ACACB: variants seen among roughly 807,000 people sequenced by gnomAD.
The protein encoded by ACACB is acetyl-CoA carboxylase 2.
Under a neutral mutation model 278.8 loss-of-function variants are expected in ACACB, and 209 were observed. The ratio of observed to expected loss-of-function variants is 0.75; its 90% CI spans 0.67 to 0.84. ACACB has a LOEUF of 0.84. Among genes scored for constraint, ACACB ranks in the 40% least tolerant of loss-of-function variants. The pLI is 0.00. For synonymous variants in ACACB, 1,174 were observed against 1,285.6 expected (o/e 0.91, Z 1.86); for missense variants, 2,850 against 3,269.0 (o/e 0.87, Z 3.13).
In ACACB at chr12:109,246,365, A is replaced by G. The variant is rs1363583791; in HGVS notation, c.5488A>G (p.Asn1830Asp). ...CATTCCCAAAATTTACGTGGCAGCCAACAGTGGCGCCCGTATTGGCATGGC... is the reference window on the plus strand; with the variant it reads ...CATTCCCAAAATTTACGTGGCAGCCGACAGTGGCGCCCGTATTGGCATGGC... ...EGIPKIYVAA[N>D]SGARIGMAEE... The change falls in exon 39 of 53, where the codon AAC (asparagine) becomes GAC (aspartate). Residue 1830 changes from asparagine (N) to aspartate (D), a missense_variant. Transcript: ENST00000338432. 1 of 1,613,470 alleles carries G rather than the reference A, an allele frequency of 6.2e-7. No homozygotes were observed. The highest frequency in any genetic ancestry group is 8.5e-7 in the Non-Finnish European group (1 of 1,179,918).
rs760891000 is a variant in ACACB at position 109,254,237 on chromosome 12, C to T, written c.6069C>T (p.Ile2023=). The T allele has an allele frequency of 6.8e-6, 11 of 1,613,946 alleles. No homozygotes were observed. Among genetic ancestry groups the T allele is most frequent in the Non-Finnish European group, 9.3e-6 (11 of 1,179,898 alleles). ...AGGATAATCACAGCCCTGTCCCTATCATCACACCCACTGACCCCATTGACA... is the reference window on the plus strand; with the variant it reads ...AGGATAATCACAGCCCTGTCCCTATTATCACACCCACTGACCCCATTGACA... ...MPKDNHSPVP[I]ITPTDPIDRE... The change falls in exon 44 of 53, where the codon ATC becomes ATT. Residue 2023 remains isoleucine, a synonymous_variant. Transcript: ENST00000338432.
intron 26 of ACACB, 91 bp downstream of exon 26, chr12:109,223,003 G>C: frequency 1.0e-6 from 1 of 1,002,232 alleles, no homozygotes; most frequent in Non-Finnish European, 1.5e-6. Context: ...CTGCCCTCCA[G>C]GTGCTCAGTG....
Position 109,254,316 on chromosome 12 carries a change from G to T in ACACB, c.6148G>T (p.Ala2050Ser). ...RAPYDPRWMLAGRPHPTLKGT... is the reference protein window; with the variant it reads ...RAPYDPRWMLSGRPHPTLKGT... Reference sequence around the variant, plus strand: ...TCCCTACGACCCCCGGTGGATGCTTGCAGGAAGGCCTCACCCAAGTAAGTT... The same window carrying T: ...TCCCTACGACCCCCGGTGGATGCTTTCAGGAAGGCCTCACCCAAGTAAGTT... The change falls in exon 44 of 53, where the codon GCA becomes TCA. Residue 2050 changes from alanine to serine, a missense_variant. By Grantham distance (99) the Ala-to-Ser change is moderately conservative. Transcript: ENST00000338432. The T allele has an allele frequency of 6.2e-7, 1 of 1,613,010 alleles. No individual in the cohort carries two copies. The highest frequency in any genetic ancestry group is 8.5e-7 in the Non-Finnish European group (1 of 1,179,658).
intron 1 of ACACB, among the ~76,000 whole-genome samples, chr12:109,136,580 GT>G (rs2042970980): frequency 6.6e-6 from 1 of 151,938 alleles, no homozygotes; most frequent in South Asian, 2.1e-4. Flanking sequence ...ATTTCTAGGT[GT>G]TTTATTCTTT....
intron 49 of ACACB, among the ~76,000 whole-genome samples, chr12:109,262,685 A>G (rs1455655943): frequency 6.6e-6 from 1 of 151,794 alleles, no homozygotes; most frequent in African/African-American, 2.4e-5. Context: ...GCAGGGTGCA[A>G]TCTCAGCTCA....
intron 2 of ACACB, among the ~76,000 whole-genome samples, chr12:109,158,669 C>G (rs1165638020): frequency 6.6e-6 from 1 of 152,044 alleles, no homozygotes; most frequent in African/African-American, 2.4e-5. Context: ...GAGGGAGACC[C>G]TGTCTCTATA....
intron 24 of ACACB, 58 bp downstream of exon 24, chr12:109,216,978 T>C: frequency 6.3e-7 from 1 of 1,577,600 alleles, no homozygotes; most frequent in Non-Finnish European, 8.6e-7. Flanking sequence ...CCACAAACGT[T>C]TTCTTAAAAG....
At chr12:109,192,047 C>A in intron 15 of ACACB, 97 bp downstream of exon 15, 1 of 1,279,916 alleles carries the variant, frequency 7.8e-7, no homozygotes, top group Non-Finnish European at 1.1e-6. Context: ...AGTTAGTCAC[C>A]AGGCAATTGG....
rs558045958 is a variant in ACACB, at chr12:109,261,619, C to T, written c.6675-738C>T. On this transcript the variant is annotated intron_variant, in intron 48 of 52. Coordinates refer to ENST00000338432, the MANE Select transcript of ACACB (RefSeq NM_001093.4). ...GGCGTGGTGGCTCACGCCTGTAATCCCAGCATTTTGGGAGGCTAAGGGGGG... is the reference window on the plus strand; with the variant it reads ...GGCGTGGTGGCTCACGCCTGTAATCTCAGCATTTTGGGAGGCTAAGGGGGG... Among the ~76,000 whole-genome samples the T allele has an allele frequency of 1.6e-4, 25 of 152,022 alleles. 2 individuals are homozygous for T. In the South Asian group the frequency reaches 3.3e-3, roughly 20 times the overall value.
intron 48 of ACACB, 131 bp from the exon 49 acceptor site, chr12:109,262,226 G>A (rs1456976951): frequency 7.6e-6 from 5 of 656,576 alleles, no homozygotes; most frequent in Non-Finnish European, 1.4e-5. Flanking sequence ...CAGCATGTGT[G>A]GGGGTAAAAG....
intron 1 of ACACB, among the ~76,000 whole-genome samples, chr12:109,133,851 ATATATATATATATTTT>A (rs1340446645): frequency 1.9e-4 from 15 of 80,650 alleles, no homozygotes; most frequent in Non-Finnish European, 2.6e-4. Flanking sequence ...ATATATATAT[ATATATATATATATTTT>A]TTTTTTTTTT....
At chr12:109,122,266 G>A (rs1039583061) in intron 1 of ACACB, among the ~76,000 whole-genome samples, 3 of 152,140 alleles carry the variant, frequency 2.0e-5, no homozygotes, top group African/African-American at 7.2e-5. Flanking sequence ...AATAAAACGA[G>A]GCTTCCCCTG....
intron 27 of ACACB, among the ~76,000 whole-genome samples, chr12:109,224,859 G>C (rs1411591807): frequency 6.8e-6 from 1 of 147,474 alleles, no homozygotes; most frequent in African/African-American, 2.7e-5. Context: ...TCTTACCCGG[G>C]TCTGCTTTGC....
At chr12:109,209,855 A>G (rs2045635490) in intron 21 of ACACB, among the ~76,000 whole-genome samples, 2 of 140,702 alleles carry the variant, frequency 1.4e-5, no homozygotes, top group Non-Finnish European at 3.1e-5. Flanking sequence ...GTGTGTATAT[A>G]TGTATATACA....
rs376948456 is a variant in ACACB at position 109,242,421 on chromosome 12, C to T, written c.5023-16C>T. 10 of 1,610,636 alleles carry T rather than the reference C, an allele frequency of 6.2e-6. No individual in the cohort carries two copies. Among genetic ancestry groups the T allele is most frequent in the Admixed American group, 1.7e-5 (1 of 59,832 alleles). ...GATTCTCTCTCACTCTCTGTTTTCC[C>T]TCCTTTCTGGTCCAGATCATGTTTC... On this transcript the variant is annotated splice_polypyrimidine_tract_variant and intron_variant, in intron 36 of 52. Coordinates refer to ENST00000338432, the MANE Select transcript of ACACB (RefSeq NM_001093.4).
intron 6 of ACACB, among the ~76,000 whole-genome samples, chr12:109,173,518 C>G (rs957088788): frequency 4.0e-4 from 61 of 152,166 alleles, no homozygotes; most frequent in Non-Finnish European, 1.8e-4. Context: ...TCTGTCCTGT[C>G]TGACAGTTAC....
intron 37 of ACACB, among the ~76,000 whole-genome samples, chr12:109,244,858 G>A (rs1464325519): frequency 6.6e-6 from 1 of 152,148 alleles, no homozygotes; most frequent in Non-Finnish European, 1.5e-5. Flanking sequence ...GCAGACCAGA[G>A]CTAAATTTAT....
At chr12:109,195,729 T>G (rs1039478654) in intron 16 of ACACB, among the ~76,000 whole-genome samples, 4 of 152,130 alleles carry the variant, frequency 2.6e-5, no homozygotes, top group Non-Finnish European at 5.9e-5. Flanking sequence ...TTAACAAGTT[T>G]TTTTTTTAAC....
intron 1 of ACACB, among the ~76,000 whole-genome samples, chr12:109,127,094 G>A (rs1565844574): frequency 6.6e-6 from 1 of 152,142 alleles, no homozygotes; most frequent in Non-Finnish European, 1.5e-5. Flanking sequence ...CCTCTTTTGG[G>A]TGTCTTTTTC....
Sources: gnomAD v4.1 joint callset for allele counts (sites outside exome capture counted in the v4.1 genomes callset) on GRCh38, gnomAD v4.1.1 for gene constraint, MANE v1.5 for transcripts, NCBI Gene and HGNC (gene_info 2026-07-23, HGNC 2026-07-21) for gene names.